Variants in MTMR8 observed in about 807,000 individuals in gnomAD.
MTMR8 encodes the protein phosphatidylinositol-3,5-bisphosphate 3-phosphatase MTMR8.
A neutral mutation model predicts 39.3 loss-of-function variants in MTMR8; 65 were observed. The ratio of observed to expected loss-of-function variants is 1.65; its 90% CI spans 1.35 to 2.03. MTMR8 has a LOEUF of 2.03. Ranked by LOEUF, MTMR8 falls within the 30% of genes most tolerant of loss-of-function variation. MTMR8 has a pLI of 0.00. For missense variants in MTMR8, 777 were observed against 538.9 expected, an observed-to-expected ratio of 1.44 and a Z score of -4.37; for synonymous variants, 245 against 185.2, an observed-to-expected ratio of 1.32 and a Z score of -2.62.
chrX:64,326,097 T>A (rs933810150), intron 12 of MTMR8, among the ~76,000 whole-genome samples: 1 of 111,897 alleles, frequency 8.9e-6, no homozygotes, highest in South Asian at 3.7e-4. Flanking sequence ...AAATTATTAT[T>A]AAGAAAATAC....
At chrX:64,376,263 G>A (rs1272244805) in intron 1 of MTMR8, among the ~76,000 whole-genome samples, 2 of 112,230 alleles carry the variant, frequency 1.8e-5, no homozygotes, top group African/African-American at 6.5e-5. Flanking sequence ...CTGGGTAATA[G>A]GCTTTGGGTG....
chrX:64,328,937 C>T lies in MTMR8; in HGVS notation c.1353-37G>A, dbSNP rs779119449. 5 of 1,162,945 alleles carry T rather than the reference C, an allele frequency of 4.3e-6. No homozygotes were observed. The South Asian group carries it at 8.1e-5, about 19-fold the overall frequency. On this transcript the variant is annotated intron_variant, in intron 11 of 13. Coordinates refer to ENST00000374852, the MANE Select transcript of MTMR8 (RefSeq NM_017677.4). ...GAAAAACAAGCCAAAAAATTAAAAG[C>T]AGGAAGCAAGTAATCTCAATAGTCC...
In MTMR8 at chrX:64,268,939, G is replaced by A. The variant is rs1569205739; in HGVS notation, c.1713C>T (p.Gly571=). 4 of 1,211,773 alleles carry A rather than the reference G, an allele frequency of 3.3e-6. No homozygotes were observed. The highest frequency in any genetic ancestry group is 3.0e-5 in the East Asian group (1 of 33,837). ...TCAGGTCTCCATTGATACCCATAAAGCCAAGAGGATTGGTCAAAGGACTTC... is the reference window on the plus strand; with the variant it reads ...TCAGGTCTCCATTGATACCCATAAAACCAAGAGGATTGGTCAAAGGACTTC... The part of the protein sequence containing the change: ...HLGSPLTNPL[G]FMGINGDLNT... The change falls in exon 14 of 14, where the codon GGC becomes GGT. Residue 571 remains glycine (G), a synonymous_variant. Coordinates refer to ENST00000374852, the MANE Select transcript of MTMR8 (RefSeq NM_017677.4).
intron 8 of MTMR8, among the ~76,000 whole-genome samples, chrX:64,338,019 T>C (rs1923121604): frequency 8.9e-6 from 1 of 111,822 alleles, no homozygotes; most frequent in Non-Finnish European, 1.9e-5. Flanking sequence ...AGTTTCTGCT[T>C]TCAAGGAACC....
chrX:64,355,734 C>G (rs916315216), intron 3 of MTMR8, among the ~76,000 whole-genome samples: 2 of 110,846 alleles, frequency 1.8e-5, no homozygotes, highest in East Asian at 5.7e-4. Context: ...TTAATGAGGA[C>G]TTTGATGAAC....
intron 12 of MTMR8, among the ~76,000 whole-genome samples, chrX:64,298,577 T>C (rs1333329600): frequency 5.7e-5 from 5 of 88,079 alleles, no homozygotes; most frequent in Admixed American, 3.2e-4. Context: ...TATTTCCTTC[T>C]CCTGTCTAAT....
chrX:64,363,544 G>A (rs755064190), intron 1 of MTMR8, among the ~76,000 whole-genome samples: 2 of 112,404 alleles, frequency 1.8e-5, no homozygotes, highest in South Asian at 3.7e-4. Flanking sequence ...AGATGCCTGT[G>A]TTATGGTTTC....
Position 64,366,908 on chromosome X carries a change from AT to A in MTMR8, c.25-7382del, listed in dbSNP as rs760240327. Among the ~76,000 whole-genome samples, 4 of 112,123 alleles carry A rather than the reference AT, an allele frequency of 3.6e-5. No homozygotes were observed. The South Asian group carries it at 1.5e-3, about 42-fold the overall frequency. ...AAGAATCAAATAGATGCAATAAAAA[AT>A]GATAAAGGTGATATCACCATCGATC... On this transcript the variant is annotated intron_variant, in intron 1 of 13. Transcript: ENST00000374852.
intron 13 of MTMR8, 149 bp from the exon 14 acceptor site, chrX:64,269,192 C>A: frequency 1.9e-6 from 1 of 529,994 alleles, no homozygotes; most frequent in East Asian, 3.6e-5. Context: ...AACATCTTTC[C>A]CTCATCACAT....
At chrX:64,278,070 A>G (rs1931920053) in intron 12 of MTMR8, among the ~76,000 whole-genome samples, 2 of 108,222 alleles carry the variant, frequency 1.8e-5, no homozygotes, top group South Asian at 8.3e-4. Context: ...TGTGTTTTTC[A>G]GCTCTATCAG....
chrX:64,362,152 TA>T (rs1923796821), intron 1 of MTMR8, among the ~76,000 whole-genome samples: 1 of 109,633 alleles, frequency 9.1e-6, no homozygotes, highest in Non-Finnish European at 1.9e-5. Context: ...GAGAAAACTT[TA>T]AAAGTCTAAT....
intron 12 of MTMR8, among the ~76,000 whole-genome samples, chrX:64,293,328 A>G (rs1921462395): frequency 9.0e-6 from 1 of 110,971 alleles, no homozygotes; most frequent in African/African-American, 3.3e-5. Flanking sequence ...CCTAAATCAA[A>G]ATTACTATCA....
intron 7 of MTMR8, 134 bp downstream of exon 7, chrX:64,344,911 G>A: frequency 1.6e-6 from 1 of 613,060 alleles, no homozygotes; most frequent in South Asian, 3.3e-5. Context: ...TTGTACAATA[G>A]TTAAACACCT....
intron 1 of MTMR8, among the ~76,000 whole-genome samples, chrX:64,363,963 C>A (rs777380069): frequency 1.9e-4 from 20 of 106,581 alleles, no homozygotes; most frequent in Non-Finnish European, 3.5e-4. Flanking sequence ...GTGGGTCCCA[C>A]GCCCACGGAG....
chrX:64,357,987 T>G (rs905815198), intron 2 of MTMR8, among the ~76,000 whole-genome samples: 2 of 111,296 alleles, frequency 1.8e-5, no homozygotes, highest in Admixed American at 9.6e-5. Context: ...TCCTTTGACA[T>G]GCAGAAATAA....
chrX:64,381,721 G>T (rs1314566769), intron 1 of MTMR8, among the ~76,000 whole-genome samples: 1 of 111,183 alleles, frequency 9.0e-6, no homozygotes, highest in African/African-American at 3.3e-5. Flanking sequence ...TTCTTCTAGG[G>T]TTTTTATGGT....
intron 12 of MTMR8, among the ~76,000 whole-genome samples, chrX:64,327,383 C>G (rs1922824730): frequency 8.9e-6 from 1 of 111,771 alleles, no homozygotes; most frequent in African/African-American, 3.2e-5. Flanking sequence ...TGAATAGATA[C>G]TTTTCAAAAG....
intron 1 of MTMR8, among the ~76,000 whole-genome samples, chrX:64,392,409 C>T (rs1297013850): frequency 3.6e-5 from 4 of 111,307 alleles, no homozygotes; most frequent in African/African-American, 1.3e-4. Flanking sequence ...ATCTTTCAAA[C>T]AATGTTGAGC....
chrX:64,308,257 C>T (rs987328465), intron 12 of MTMR8, among the ~76,000 whole-genome samples: 2 of 109,128 alleles, frequency 1.8e-5, no homozygotes, highest in African/African-American at 3.3e-5. Context: ...GAGTCTCACG[C>T]CATTCTCCTG....
Sources: allele counts gnomAD v4.1 joint callset (sites outside exome capture counted in the v4.1 genomes callset), GRCh38; gene constraint gnomAD v4.1.1; transcripts MANE v1.5; gene names NCBI Gene and HGNC (gene_info 2026-07-23, HGNC 2026-07-21).